The following BLTP3B variants were observed in gnomAD, a reference collection of about 807,000 sequenced individuals.
BLTP3B encodes the protein bridge-like lipid transfer protein family member 3B.
At chr12:100,128,768 T>C in the BLTP3B span, 474 of 1,243,086 alleles carry the variant, frequency 3.8e-4, 1 homozygote, top group Admixed American at 3.7e-3. Flanking sequence ...GGGAGCAAGT[T>C]TAAGGGAAGG....
chr12:100,101,894 C>T, the BLTP3B span, among the ~76,000 whole-genome samples: 1 of 152,194 alleles, frequency 6.6e-6, no homozygotes, highest in East Asian at 1.9e-4. Context: ...GCCTTGACCT[C>T]CCGGGTTCAA....
At chr12:100,125,064 G>T in the BLTP3B span, among the ~76,000 whole-genome samples, 1 of 144,634 alleles carries the variant, frequency 6.9e-6, no homozygotes, top group Admixed American at 7.1e-5. Flanking sequence ...GGGCACAGTG[G>T]CTCACGCCTG....
At chr12:100,130,228 A>G in the BLTP3B span, among the ~76,000 whole-genome samples, 2 of 152,102 alleles carry the variant, frequency 1.3e-5, no homozygotes, top group Admixed American at 6.5e-5. Context: ...CCAAAGTGCT[A>G]GGATTACAGG....
At chr12:100,038,786 C>T in the BLTP3B span, among the ~76,000 whole-genome samples, 21 of 152,196 alleles carry the variant, frequency 1.4e-4, no homozygotes, top group Middle Eastern at 3.4e-3. Context: ...TTCCTAAGTA[C>T]GGGGATATAA....
At chr12:100,102,897 T>A in the BLTP3B span, 1 of 1,192,240 alleles carries the variant, frequency 8.4e-7, no homozygotes, top group Non-Finnish European at 1.2e-6. Context: ...AGATTATTTA[T>A]TCTACGTATA....
chr12:100,069,657 T>C, the BLTP3B span, among the ~76,000 whole-genome samples: 1 of 151,654 alleles, frequency 6.6e-6, no homozygotes, highest in Non-Finnish European at 1.5e-5. Context: ...AGCTAAGCTA[T>C]GAGAATGCAA....
the BLTP3B span, among the ~76,000 whole-genome samples, chr12:100,121,076 A>G: frequency 6.6e-6 from 1 of 152,166 alleles, no homozygotes; most frequent in Non-Finnish European, 1.5e-5. Context: ...GGCCGGGCAC[A>G]GTGGCACACG....
the BLTP3B span, among the ~76,000 whole-genome samples, chr12:100,111,236 T>C: frequency 6.7e-6 from 1 of 148,730 alleles, no homozygotes; most frequent in Non-Finnish European, 1.5e-5. Flanking sequence ...AAAAAATGCA[T>C]CATAAAATCC....
chr12:100,056,038 A>G, the BLTP3B span, among the ~76,000 whole-genome samples: 1 of 152,234 alleles, frequency 6.6e-6, no homozygotes, highest in Non-Finnish European at 1.5e-5. Flanking sequence ...GTTAGCTTCT[A>G]TTATTACAGA....
At chr12:100,086,371 A>ATG in the BLTP3B span, 1 of 471,230 alleles carries the variant, frequency 2.1e-6, no homozygotes, top group Non-Finnish European at 3.9e-6. Flanking sequence ...GGGAAAAAAA[A>ATG]AGGGGGGGGG....
the BLTP3B span, among the ~76,000 whole-genome samples, chr12:100,131,671 G>C: frequency 6.6e-6 from 1 of 152,042 alleles, no homozygotes; most frequent in African/African-American, 2.4e-5. Flanking sequence ...AATCACACTG[G>C]CTTCAATTTT....
the BLTP3B span, among the ~76,000 whole-genome samples, chr12:100,116,448 CAA>C: frequency 7.1e-5 from 4 of 55,982 alleles, no homozygotes; most frequent in Non-Finnish European, 1.1e-4. Flanking sequence ...GATCCTGTCT[CAA>C]AAAAAAAAAA....
chr12:100,100,149 A>C, the BLTP3B span, among the ~76,000 whole-genome samples: 1 of 151,104 alleles, frequency 6.6e-6, no homozygotes, highest in Non-Finnish European at 1.5e-5. Context: ...TTAAAAATAC[A>C]AAAAAGTTAA....
At chr12:100,050,335 AAAT>A in the BLTP3B span, 2 of 1,586,542 alleles carry the variant, frequency 1.3e-6, no homozygotes, top group East Asian at 4.5e-5. Context: ...ATGATTGCAT[AAAT>A]AATATTAGTA....
At chr12:100,131,315 A>T in the BLTP3B span, among the ~76,000 whole-genome samples, 1 of 151,308 alleles carries the variant, frequency 6.6e-6, no homozygotes, top group African/African-American at 2.4e-5. Flanking sequence ...TGTCTCAAAA[A>T]AAAAAAAAAT....
the BLTP3B span, among the ~76,000 whole-genome samples, chr12:100,057,315 A>G: frequency 2.0e-5 from 3 of 152,202 alleles, no homozygotes; most frequent in East Asian, 5.8e-4. Flanking sequence ...GTACTCTTGC[A>G]TAGTCCCTGT....
chr12:100,053,271 G>A, the BLTP3B span, among the ~76,000 whole-genome samples: 1 of 151,682 alleles, frequency 6.6e-6, no homozygotes, highest in Non-Finnish European at 1.5e-5. Context: ...CGGGTGTGGT[G>A]GCACGCATCT....
the BLTP3B span, among the ~76,000 whole-genome samples, chr12:100,042,606 C>G: frequency 6.6e-6 from 1 of 152,116 alleles, no homozygotes; most frequent in South Asian, 2.1e-4. Flanking sequence ...TGGCCATGGA[C>G]TCTTATACAG....
At chr12:100,128,119 C>T in the BLTP3B span, among the ~76,000 whole-genome samples, 1 of 152,146 alleles carries the variant, frequency 6.6e-6, no homozygotes, top group Non-Finnish European at 1.5e-5. Context: ...ATTAAATACA[C>T]AAAATAAATT....
Sources: gnomAD v4.1 joint callset for allele counts (sites outside exome capture counted in the v4.1 genomes callset) on GRCh38, gnomAD v4.1.1 for gene constraint, MANE v1.5 for transcripts, NCBI Gene and HGNC (gene_info 2026-07-23, HGNC 2026-07-21) for gene names.